The following DTNA variants were observed in gnomAD, a reference collection of about 807,000 sequenced individuals.
DTNA encodes dystrobrevin alpha.
In DTNA, 43 loss-of-function variants were observed where a neutral mutation model predicts 100.7. The ratio of observed to expected loss-of-function variants is 0.43; its 90% CI spans 0.33 to 0.55. The LOEUF (loss-of-function observed/expected upper bound fraction) is 0.55. Ranked by LOEUF, DTNA falls within the 20% of genes least tolerant of loss-of-function variation. DTNA has a pLI of 0.04. For synonymous variants in DTNA, 349 were observed against 347.9 expected (o/e 1.00, Z -0.04); for missense variants, 798 against 953.9 (o/e 0.84, Z 2.15).
At chr18:34,809,118 A>G (rs1014977291) in intron 5 of DTNA, among the ~76,000 whole-genome samples, 2 of 152,242 alleles carry the variant, frequency 1.3e-5, no homozygotes, top group African/African-American at 4.8e-5. Context: ...TTAACTAGTC[A>G]AAAATGAATA....
At chr18:34,691,955 G>T (rs2079835836) in intron 1 of DTNA, among the ~76,000 whole-genome samples, 1 of 152,180 alleles carries the variant, frequency 6.6e-6, no homozygotes, top group Non-Finnish European at 1.5e-5. Context: ...AGACTTTTGG[G>T]TTATTTGTAG....
At chr18:34,619,304 A>G (rs189030156) in intron 1 of DTNA, among the ~76,000 whole-genome samples, 121 of 152,278 alleles carry the variant, frequency 7.9e-4, no homozygotes, top group African/African-American at 2.7e-3. Flanking sequence ...AAAACCATTT[A>G]AGAATTATGA....
chr18:34,813,804 TGC>T (rs2095536364), intron 6 of DTNA, among the ~76,000 whole-genome samples: 1 of 141,730 alleles, frequency 7.1e-6, no homozygotes, highest in African/African-American at 2.7e-5. Flanking sequence ...ATTGTGCCAC[TGC>T]ACTCCAGCCT....
Position 34,539,185 on chromosome 18 carries a change from GT to G in DTNA, c.-2+45675del, listed in dbSNP as rs141092832. ...ACAGCACACTGATCTCTTAATGCAGGTTTTCTTGGGAAAACTGTTTTAGAGG... is the reference window on the plus strand; with the variant it reads ...ACAGCACACTGATCTCTTAATGCAGGTTTCTTGGGAAAACTGTTTTAGAGG... On this transcript the variant is annotated intron_variant, in intron 1 of 19. Transcript: ENST00000283365. 4.8e-3 allele frequency among the ~76,000 whole-genome samples: 734 copies of G among 151,716 alleles called. 5 individuals are homozygous for G. The highest frequency in any genetic ancestry group is 0.016 in the African/African-American group (677 of 41,402).
At chr18:34,864,385 C>A (rs1173296673) in intron 17 of DTNA, among the ~76,000 whole-genome samples, 1 of 151,970 alleles carries the variant, frequency 6.6e-6, no homozygotes, top group Non-Finnish European at 1.5e-5. Flanking sequence ...CGCCGAGTAG[C>A]TGGGACTACA....
intron 1 of DTNA, among the ~76,000 whole-genome samples, chr18:34,742,844 A>G (rs1251267954): frequency 1.3e-5 from 2 of 152,082 alleles, no homozygotes; most frequent in African/African-American, 2.4e-5. Flanking sequence ...GTTTATTATT[A>G]TTGTTATGAC....
chr18:34,500,546 C>G (rs1052217056), intron 1 of DTNA, among the ~76,000 whole-genome samples: 1 of 151,518 alleles, frequency 6.6e-6, no homozygotes, highest in African/African-American at 2.4e-5. Flanking sequence ...CCACTGCAAC[C>G]TCCGCCTCCC....
upstream of DTNA, among the ~76,000 whole-genome samples, chr18:34,708,392 A>G (rs1281683578): frequency 1.3e-5 from 2 of 152,256 alleles, no homozygotes; most frequent in Admixed American, 6.5e-5. Context: ...AGAAAGTATC[A>G]TTAACAAATA....
chr18:34,619,609 G>T (rs990328258), intron 1 of DTNA, among the ~76,000 whole-genome samples: 2 of 152,136 alleles, frequency 1.3e-5, no homozygotes, highest in Non-Finnish European at 2.9e-5. Context: ...GGTTCCCAGG[G>T]CTCTGACAAC....
chr18:34,521,308 T>C (rs2042127723), intron 1 of DTNA, among the ~76,000 whole-genome samples: 1 of 152,130 alleles, frequency 6.6e-6, no homozygotes, highest in African/African-American at 2.4e-5. Context: ...TAACCCCTTC[T>C]TACTCCACCA....
intron 14 of DTNA, among the ~76,000 whole-genome samples, 173 bp downstream of exon 14, chr18:34,848,556 A>G (rs2096421318): frequency 6.6e-6 from 1 of 152,102 alleles, no homozygotes; most frequent in African/African-American, 2.4e-5. Context: ...TTTACAGTTT[A>G]AAAATGGAAG....
At chr18:34,636,766 C>T (rs535322362) in intron 1 of DTNA, among the ~76,000 whole-genome samples, 14 of 152,274 alleles carry the variant, frequency 9.2e-5, no homozygotes, top group Admixed American at 3.9e-4. Flanking sequence ...TATTTTAAAG[C>T]ATCTCCCTTC....
At chr18:34,732,180 T>A (rs1472582417) in intron 1 of DTNA, among the ~76,000 whole-genome samples, 2 of 152,190 alleles carry the variant, frequency 1.3e-5, no homozygotes, top group Non-Finnish European at 2.9e-5. Flanking sequence ...TACCCATAAT[T>A]TATTTGAAGT....
intron 1 of DTNA, among the ~76,000 whole-genome samples, chr18:34,716,983 A>G (rs2084213011): frequency 6.6e-6 from 1 of 152,184 alleles, no homozygotes; most frequent in African/African-American, 2.4e-5. Context: ...TATACATTCC[A>G]ATTATTAGTT....
At chr18:34,779,045 TA>T (rs2094196818) in intron 3 of DTNA, among the ~76,000 whole-genome samples, 1 of 151,926 alleles carries the variant, frequency 6.6e-6, no homozygotes, top group Admixed American at 6.6e-5. Flanking sequence ...AAAGTATTTT[TA>T]AAAATCATTC....
chr18:34,707,013 T>G (rs1453049842), upstream of DTNA, among the ~76,000 whole-genome samples: 2 of 152,204 alleles, frequency 1.3e-5, no homozygotes, highest in African/African-American at 4.8e-5. Context: ...TAAATAATAA[T>G]TTTTAACTAT....
chr18:34,669,290 T>G (rs574761437), intron 1 of DTNA, among the ~76,000 whole-genome samples: 7 of 152,322 alleles, frequency 4.6e-5, no homozygotes, highest in African/African-American at 1.4e-4. Context: ...TAGATCTTCC[T>G]CCGTCCCTTT....
intron 1 of DTNA, among the ~76,000 whole-genome samples, chr18:34,664,237 G>A (rs1259316820): frequency 6.6e-6 from 1 of 152,038 alleles, no homozygotes; most frequent in Non-Finnish European, 1.5e-5. Flanking sequence ...CTTCCATTAA[G>A]CCAGATATTA....
chr18:34,616,286 T>C lies in DTNA; in HGVS notation c.-2+122772T>C, dbSNP rs536644725. Among the ~76,000 whole-genome samples the C allele has an allele frequency of 5.3e-5, 8 of 152,330 alleles. No homozygotes were observed. The South Asian group carries it at 6.2e-4, about 12-fold the overall frequency. On this transcript the variant is annotated intron_variant, in intron 1 of 19. Transcript: ENST00000283365. ...GAGGAAAACCTAGGAAATACCATTT[T>C]AGAGGTAGGCCCCGGCAAATATTTT...
Sources: allele counts gnomAD v4.1 joint callset (sites outside exome capture counted in the v4.1 genomes callset), GRCh38; gene constraint gnomAD v4.1.1; transcripts MANE v1.5; gene names NCBI Gene and HGNC (gene_info 2026-07-23, HGNC 2026-07-21).